Variants in PLXNA4 observed in about 807,000 individuals in gnomAD.
The protein encoded by PLXNA4 is plexin A4.
PLXNA4 carries 44 observed loss-of-function variants against 191.8 expected under a neutral mutation model. The ratio of observed to expected loss-of-function variants is 0.23; its 90% CI spans 0.18 to 0.29. The LOEUF (loss-of-function observed/expected upper bound fraction) is 0.29, where lower values mean the gene tolerates loss of function less well. Among genes scored for constraint, PLXNA4 ranks in the 10% least tolerant of loss-of-function variants. The pLI, the probability that PLXNA4 is intolerant of heterozygous loss-of-function variation, is 1.00. For synonymous variants in PLXNA4, 1,082 were observed against 1,009.5 expected (o/e 1.07, Z -1.36); for missense variants, 1,800 against 2,488.8 (o/e 0.72, Z 5.89).
intron 5 of PLXNA4, among the ~76,000 whole-genome samples, chr7:132,229,018 TCTC>T (rs1164154890): frequency 6.6e-6 from 1 of 151,988 alleles, no homozygotes; most frequent in Non-Finnish European, 1.5e-5. Flanking sequence ...CACCTCGGAG[TCTC>T]CTACTTTAAT....
Position 132,198,634 on chromosome 7 carries a change from T to C in PLXNA4, c.2589A>G (p.Ile863Met). Reference sequence around the variant, plus strand: ...CTTCCCGGGGGCCTGTCACCGGGATTATCTGGAGGGAGGAAGAGAAATAAT... The same window carrying C: ...CTTCCCGGGGGCCTGTCACCGGGATCATCTGGAGGGAGGAAGAGAAATAAT... ...SKCTNPRITE[I>M]IPVTGPREGG... Residue 863 changes from isoleucine to methionine, a missense_variant and splice_region_variant, in exon 13 of 32, where the codon ATA becomes ATG. Ile to Met is a conservative substitution (Grantham distance 10, BLOSUM62 1). Around this residue, in one of 6 missense-constraint regions of PLXNA4, gnomAD observed 1,397 missense variants for 1,880.4 expected, o/e 0.74. Transcript: ENST00000321063. The C allele has an allele frequency of 6.2e-7, 1 of 1,614,048 alleles. No homozygotes were observed. Among genetic ancestry groups the C allele is most frequent in the South Asian group, 1.1e-5 (1 of 91,070 alleles).
At chr7:132,279,016 G>A (rs1361860288) in intron 4 of PLXNA4, among the ~76,000 whole-genome samples, 1 of 152,212 alleles carries the variant, frequency 6.6e-6, no homozygotes, top group Non-Finnish European at 1.5e-5. Flanking sequence ...TGCAGGTGGT[G>A]ATAACAATGA....
At chr7:132,152,831 TCTC>T (rs1032905859) in intron 25 of PLXNA4, among the ~76,000 whole-genome samples, 14 of 152,050 alleles carry the variant, frequency 9.2e-5, no homozygotes, top group African/African-American at 3.4e-4. Context: ...ACAAACACCT[TCTC>T]CTACAAAAGA....
chr7:132,643,959 A>G (rs1443993278), intron 2 of PLXNA4, among the ~76,000 whole-genome samples: 3 of 152,190 alleles, frequency 2.0e-5, no homozygotes, highest in African/African-American at 7.2e-5. Context: ...TTAAAAAAAA[A>G]GAATGGAAAT....
At chr7:132,289,548 T>C (rs550827157) in intron 4 of PLXNA4, among the ~76,000 whole-genome samples, 2 of 152,272 alleles carry the variant, frequency 1.3e-5, no homozygotes, top group East Asian at 1.9e-4. Context: ...TATTTTTTTT[T>C]TAGAGAAGTC....
At chr7:132,138,330 C>T (rs1052435157) in intron 30 of PLXNA4, among the ~76,000 whole-genome samples, 1 of 152,188 alleles carries the variant, frequency 6.6e-6, no homozygotes, top group African/African-American at 2.4e-5. Flanking sequence ...GGCCAGGTCA[C>T]TCTACCATCA....
At chr7:132,324,273 C>G (rs1314861958) in intron 3 of PLXNA4, among the ~76,000 whole-genome samples, 1 of 152,190 alleles carries the variant, frequency 6.6e-6, no homozygotes, top group Non-Finnish European at 1.5e-5. Context: ...CGGTTTGACA[C>G]TCACATGAAA....
chr7:132,631,436 T>TA (rs1417286098), intron 2 of PLXNA4, among the ~76,000 whole-genome samples: 1 of 152,150 alleles, frequency 6.6e-6, no homozygotes, highest in Non-Finnish European at 1.5e-5. Flanking sequence ...CTGAACTGAA[T>TA]AATCTTGTAG....
intron 3 of PLXNA4, among the ~76,000 whole-genome samples, chr7:132,430,810 GA>G (rs1795230597): frequency 6.6e-6 from 1 of 152,186 alleles, no homozygotes; most frequent in Admixed American, 6.5e-5. Context: ...ATGAGATTAG[GA>G]AAGTGAACAT....
At chr7:132,358,197 T>C (rs757361072) in intron 3 of PLXNA4, among the ~76,000 whole-genome samples, 5 of 152,244 alleles carry the variant, frequency 3.3e-5, no homozygotes, top group South Asian at 2.1e-4. Context: ...CCAGATATTT[T>C]GAAATATACA....
chr7:132,417,870 G>C (rs1794713712), intron 3 of PLXNA4, among the ~76,000 whole-genome samples: 1 of 151,982 alleles, frequency 6.6e-6, no homozygotes, highest in African/African-American at 2.4e-5. Flanking sequence ...TTTCTCTCTG[G>C]GCCCCCTATC....
At chr7:132,414,137 G>A (rs759799989) in intron 3 of PLXNA4, among the ~76,000 whole-genome samples, 34 of 152,208 alleles carry the variant, frequency 2.2e-4, no homozygotes, top group Admixed American at 1.2e-3. Flanking sequence ...GAAAAGCCCC[G>A]GTTGCTGTAA....
intron 3 of PLXNA4, among the ~76,000 whole-genome samples, chr7:132,327,169 C>CAAAAAAAAAAAA (rs60359571): frequency 1.6e-5 from 2 of 124,534 alleles, no homozygotes; most frequent in African/African-American, 5.7e-5. Flanking sequence ...AAAAGGAAGG[C>CAAAAAAAAAAAA]AAAAAAAAAA....
At chr7:132,568,535 T>C (rs139368270) in intron 1 of PLXNA4, among the ~76,000 whole-genome samples, 1 of 152,204 alleles carries the variant, frequency 6.6e-6, no homozygotes, top group Non-Finnish European at 1.5e-5. Context: ...TCCCAATTTA[T>C]GTATCTGCCC....
intron 4 of PLXNA4, among the ~76,000 whole-genome samples, chr7:132,268,812 G>A (rs1171420452): frequency 6.6e-6 from 1 of 152,170 alleles, no homozygotes; most frequent in Non-Finnish European, 1.5e-5. Context: ...CATGTCAACT[G>A]CTGGCCTTCC....
At chr7:132,143,335 G>A (rs1357124897) in intron 29 of PLXNA4, among the ~76,000 whole-genome samples, 1 of 152,188 alleles carries the variant, frequency 6.6e-6, no homozygotes, top group Non-Finnish European at 1.5e-5. Flanking sequence ...ACTTGGAAGA[G>A]CTGGCATCCA....
chr7:132,263,228 C>A lies in PLXNA4; in HGVS notation c.1504-22062G>T, dbSNP rs531696194. Among the ~76,000 whole-genome samples the A allele has an allele frequency of 4.6e-5, 7 of 152,320 alleles. No homozygotes were observed. In the East Asian group the frequency reaches 1.4e-3, roughly 29 times the overall value. On this transcript the variant is annotated intron_variant, in intron 4 of 31. Coordinates refer to ENST00000321063, the MANE Select transcript of PLXNA4 (RefSeq NM_020911.2). ...AATGGGAACTTCTGTGGAAAGGAAC[C>A]TGGCATGGCTGGCCCACCACCAGTG...
chr7:132,165,856 C>G (rs138702907), intron 22 of PLXNA4, among the ~76,000 whole-genome samples: 2 of 152,120 alleles, frequency 1.3e-5, no homozygotes. Flanking sequence ...TCCCAGCATT[C>G]GCCGCAGCAT....
intron 2 of PLXNA4, among the ~76,000 whole-genome samples, chr7:132,617,463 CCT>C (rs1803179656): frequency 1.3e-5 from 2 of 152,272 alleles, no homozygotes; most frequent in South Asian, 2.1e-4. Flanking sequence ...CTCTGTATTC[CCT>C]GTTTCTGCAT....
Sources: allele counts gnomAD v4.1 joint callset (sites outside exome capture counted in the v4.1 genomes callset), GRCh38; gene constraint gnomAD v4.1.1; regional missense constraint gnomAD v4.1.1; transcripts MANE v1.5; gene names NCBI Gene and HGNC (gene_info 2026-07-23, HGNC 2026-07-21).